Variants in TPTE observed in about 807,000 individuals in gnomAD.
The protein encoded by TPTE is transmembrane phosphatase with tensin homology.
In TPTE, 59 loss-of-function variants were observed where a neutral mutation model predicts 84.1. The ratio of observed to expected loss-of-function variants is 0.70; its 90% CI spans 0.57 to 0.87. The LOEUF is 0.87. Ranked by LOEUF, TPTE falls within the 40% of genes least tolerant of loss-of-function variation. The pLI is 0.00. For synonymous variants in TPTE, 130 were observed against 223.5 expected, an observed-to-expected ratio of 0.58 and a Z score of 3.73; for missense variants, 382 against 659.6, an observed-to-expected ratio of 0.58 and a Z score of 4.61.
intron 19 of TPTE, among the ~76,000 whole-genome samples, chr21:10,594,705 C>A (rs1373716230): frequency 6.6e-6 from 1 of 152,310 alleles, no homozygotes; most frequent in Admixed American, 6.5e-5. Context: ...GTTTCCCTAA[C>A]TGTAGTCCAG....
Position 10,541,160 on chromosome 21 carries a change from T to G in TPTE, c.60T>G (p.Asn20Lys), listed in dbSNP as rs2074362819. 6.2e-7 allele frequency: 1 copy of G among 1,612,996 alleles called. No homozygotes were observed. Among genetic ancestry groups the G allele is most frequent in the Non-Finnish European group, 8.5e-7 (1 of 1,179,186 alleles). ...LAGVIIELGPNDSPQTSEFKG... is the reference protein window; with the variant it reads ...LAGVIIELGPKDSPQTSEFKG... Reference sequence around the variant, plus strand: ...GAGTCATCATTGAGCTCGGCCCCAATGACAGGTGAGTTATAAAAGATGTAC... The same window carrying G: ...GAGTCATCATTGAGCTCGGCCCCAAGGACAGGTGAGTTATAAAAGATGTAC... Residue 20 changes from asparagine (N) to lysine (K), a missense_variant, in exon 5 of 24, where the codon AAT (asparagine) becomes AAG (lysine). Physicochemically the swap from Asn to Lys is moderately conservative, Grantham distance 94. Coordinates refer to ENST00000618007, the MANE Select transcript of TPTE (RefSeq NM_199261.4).
At chr21:10,525,317 T>C (rs1052482854) in intron 2 of TPTE, among the ~76,000 whole-genome samples, 1 of 152,304 alleles carries the variant, frequency 6.6e-6, no homozygotes, top group East Asian at 1.9e-4. Flanking sequence ...ATAAACAGGA[T>C]AAAGGTGTAT....
intron 17 of TPTE, among the ~76,000 whole-genome samples, chr21:10,583,905 T>A (rs1302413857): frequency 6.6e-6 from 1 of 152,312 alleles, no homozygotes; most frequent in Non-Finnish European, 1.5e-5. Context: ...ACTATCTTAC[T>A]GTAGCTTTCT....
At chr21:10,563,353 C>A (rs1344110532) in intron 10 of TPTE, among the ~76,000 whole-genome samples, 3 of 152,308 alleles carry the variant, frequency 2.0e-5, no homozygotes, top group African/African-American at 7.2e-5. Flanking sequence ...CAGAAAAATG[C>A]AGAATGTCAT....
Position 10,545,951 on chromosome 21 carries a change from C to T in TPTE, c.173+2569C>T, listed in dbSNP as rs573878586. Among the ~76,000 whole-genome samples, 34 of 151,982 alleles carry T rather than the reference C, an allele frequency of 2.2e-4. No individual in the cohort carries two copies. The East Asian group carries it at 6.0e-3, about 27-fold the overall frequency. Reference sequence around the variant, plus strand: ...ATATGTAAACATATATGTATATATCCTTTAGCATATATATGTATATATACA... The same window carrying T: ...ATATGTAAACATATATGTATATATCTTTTAGCATATATATGTATATATACA... On this transcript the variant is annotated intron_variant, in intron 7 of 23. Transcript: ENST00000618007.
chr21:10,547,395 C>T (rs564084372), intron 7 of TPTE, among the ~76,000 whole-genome samples: 12 of 152,428 alleles, frequency 7.9e-5, no homozygotes, highest in African/African-American at 2.9e-4. Flanking sequence ...TTGAATTGGC[C>T]CAGAGACAGG....
intron 3 of TPTE, among the ~76,000 whole-genome samples, chr21:10,537,909 A>G (rs1425740558): frequency 3.3e-5 from 5 of 152,304 alleles, no homozygotes. Context: ...TGTCTGCATG[A>G]TCTCACTATA....
At chr21:10,549,500 T>C (rs1224344754) in intron 7 of TPTE, among the ~76,000 whole-genome samples, 1 of 152,304 alleles carries the variant, frequency 6.6e-6, no homozygotes, top group Non-Finnish European at 1.5e-5. Flanking sequence ...ACAGATATCA[T>C]AAAAATAACC....
At chr21:10,566,977 CAAAAAA>C (rs141155041) in intron 10 of TPTE, among the ~76,000 whole-genome samples, 1 of 126,114 alleles carries the variant, frequency 7.9e-6, no homozygotes. Context: ...AACTCCATCT[CAAAAAA>C]AAAAAAAAAA....
chr21:10,535,659 A>C (rs926200889), intron 3 of TPTE, among the ~76,000 whole-genome samples: 1 of 152,302 alleles, frequency 6.6e-6, no homozygotes, highest in Non-Finnish European at 1.5e-5. Flanking sequence ...GGCCAAAGGG[A>C]GAGAGAATCC....
intron 3 of TPTE, among the ~76,000 whole-genome samples, chr21:10,531,267 GA>G (rs2145587454): frequency 6.6e-6 from 1 of 152,418 alleles, no homozygotes; most frequent in South Asian, 2.1e-4. Context: ...AAGATGAATA[GA>G]TTAATTCCCT....
chr21:10,541,553 C>G (rs1185678592), intron 5 of TPTE, among the ~76,000 whole-genome samples: 1 of 152,280 alleles, frequency 6.6e-6, no homozygotes, highest in African/African-American at 2.4e-5. Context: ...GGGATTAACT[C>G]TCAGATGTGT....
chr21:10,596,821 C>T (rs1445461481), intron 20 of TPTE, among the ~76,000 whole-genome samples: 2 of 152,304 alleles, frequency 1.3e-5, no homozygotes, highest in African/African-American at 4.8e-5. Flanking sequence ...GTATTTTTAG[C>T]CTTCTGAGTT....
chr21:10,523,998 A>C (rs2074035122), intron 1 of TPTE, among the ~76,000 whole-genome samples: 1 of 152,308 alleles, frequency 6.6e-6, no homozygotes, highest in South Asian at 2.1e-4. Context: ...TTTTCAAAGA[A>C]TAGTATGTTT....
intron 1 of TPTE, among the ~76,000 whole-genome samples, chr21:10,523,667 T>C (rs1163956222): frequency 6.6e-6 from 1 of 152,306 alleles, no homozygotes; most frequent in East Asian, 1.9e-4. Flanking sequence ...ATGGTGTATA[T>C]GTGCCACATT....
At chr21:10,532,504 G>A (rs2145590876) in intron 3 of TPTE, among the ~76,000 whole-genome samples, 1 of 152,418 alleles carries the variant, frequency 6.6e-6, no homozygotes, top group African/African-American at 2.4e-5. Context: ...AGTGACTTAT[G>A]CTTACCTCCT....
chr21:10,565,635 A>G (rs1160454270), intron 10 of TPTE, among the ~76,000 whole-genome samples: 2 of 152,306 alleles, frequency 1.3e-5, no homozygotes, highest in South Asian at 2.1e-4. Context: ...CCAAAACACC[A>G]TGGCACTGGC....
intron 13 of TPTE, 89 bp downstream of exon 13, chr21:10,569,835 T>C: frequency 6.2e-7 from 1 of 1,611,738 alleles, no homozygotes; most frequent in Non-Finnish European, 8.5e-7. Flanking sequence ...GACACATTCA[T>C]TCAAAATATT....
At chr21:10,595,189 C>A (rs868391838) in intron 19 of TPTE, among the ~76,000 whole-genome samples, 4 of 152,426 alleles carry the variant, frequency 2.6e-5, no homozygotes, top group African/African-American at 9.6e-5. Context: ...ATTATAGGTG[C>A]CCATCACCAC....
Sources: gnomAD v4.1 joint callset for allele counts (sites outside exome capture counted in the v4.1 genomes callset) on GRCh38, gnomAD v4.1.1 for gene constraint, MANE v1.5 for transcripts, NCBI Gene and HGNC (gene_info 2026-07-23, HGNC 2026-07-21) for gene names.